The following AUTS2 variants were observed in gnomAD, a reference collection of about 807,000 sequenced individuals.
AUTS2 encodes autism susceptibility gene 2 protein.
In AUTS2, 17 loss-of-function variants were observed where a neutral mutation model predicts 112.4. The observed-to-expected ratio is 0.15, with a 90% CI of 0.10 to 0.23. The LOEUF is 0.23. AUTS2 is among the 10% of genes least tolerant of loss of function. The pLI is 1.00. For missense variants in AUTS2, 1,510 were observed against 1,701.6 expected (o/e 0.89, Z 1.98); for synonymous variants, 751 against 702.7 (o/e 1.07, Z -1.09).
At chr7:70,756,949 C>T (rs1305140975) in intron 6 of AUTS2, among the ~76,000 whole-genome samples, 3 of 152,216 alleles carry the variant, frequency 2.0e-5, no homozygotes, top group African/African-American at 7.2e-5. Context: ...GAGATGTTGT[C>T]GTGTGGGGTT....
intron 5 of AUTS2, among the ~76,000 whole-genome samples, chr7:70,593,486 A>G (rs1803047463): frequency 6.6e-6 from 1 of 152,026 alleles, no homozygotes; most frequent in South Asian, 2.1e-4. Context: ...AGTCACATAC[A>G]CCTTGGAGAA....
At chr7:70,677,472 C>T (rs1807974806) in intron 5 of AUTS2, among the ~76,000 whole-genome samples, 1 of 152,166 alleles carries the variant, frequency 6.6e-6, no homozygotes, top group African/African-American at 2.4e-5. Flanking sequence ...CTTAGCATCG[C>T]CCTTTGTGTT....
chr7:70,525,706 TTGGAAAAGGGA>T (rs1799811861), intron 5 of AUTS2, among the ~76,000 whole-genome samples: 1 of 152,094 alleles, frequency 6.6e-6, no homozygotes, highest in Non-Finnish European at 1.5e-5. Flanking sequence ...AAACTGAGCA[TTGGAAAAGGGA>T]TGGAAAAGTC....
intron 5 of AUTS2, among the ~76,000 whole-genome samples, chr7:70,474,437 T>G (rs1797505449): frequency 6.6e-6 from 1 of 152,200 alleles, no homozygotes; most frequent in African/African-American, 2.4e-5. Flanking sequence ...CTCTTTGTCT[T>G]ATAACAGTCA....
rs183245354 is a variant in AUTS2 at position 69,699,462 on chromosome 7, T to C, written c.309+99500T>C. On this transcript the variant is annotated intron_variant, in intron 1 of 18. Coordinates refer to ENST00000342771, the MANE Select transcript of AUTS2 (RefSeq NM_015570.4). ...AAGCACTGTTCTGCATCTTGCTGTTTTGTAGTTACCAATATATCTTGGAGA... is the reference window on the plus strand; with the variant it reads ...AAGCACTGTTCTGCATCTTGCTGTTCTGTAGTTACCAATATATCTTGGAGA... Among the ~76,000 whole-genome samples the C allele has an allele frequency of 1.0e-3, 156 of 152,262 alleles. 1 individual carries two copies. In the Middle Eastern group the frequency reaches 0.017, roughly 17 times the overall value.
intron 4 of AUTS2, among the ~76,000 whole-genome samples, chr7:70,167,803 T>C (rs1490037973): frequency 6.6e-6 from 1 of 152,212 alleles, no homozygotes; most frequent in African/African-American, 2.4e-5. Context: ...AACATACTTT[T>C]AAATAACCCA....
intron 4 of AUTS2, among the ~76,000 whole-genome samples, chr7:70,213,670 GA>G (rs1811035858): frequency 2.0e-5 from 3 of 152,106 alleles, no homozygotes; most frequent in Non-Finnish European, 2.9e-5. Context: ...ACACTGGAAT[GA>G]GCTCTAAAAC....
At chr7:70,352,820 C>T (rs750406263) in intron 4 of AUTS2, among the ~76,000 whole-genome samples, 1 of 152,082 alleles carries the variant, frequency 6.6e-6, no homozygotes, top group Non-Finnish European at 1.5e-5. Flanking sequence ...GTAGGACCTA[C>T]TTTAGGTAGG....
chr7:70,381,605 G>T (rs1324266372), intron 4 of AUTS2, among the ~76,000 whole-genome samples: 3 of 152,132 alleles, frequency 2.0e-5, no homozygotes, highest in African/African-American at 7.2e-5. Context: ...TCTTAATATT[G>T]TGGACCTAAA....
chr7:70,403,032 G>A (rs1272805960), intron 4 of AUTS2, among the ~76,000 whole-genome samples: 2 of 152,154 alleles, frequency 1.3e-5, no homozygotes, highest in African/African-American at 2.4e-5. Context: ...ATACTGTTAC[G>A]AAGGTCTGTC....
At chr7:70,099,983 A>G (rs1444476542) in intron 2 of AUTS2, among the ~76,000 whole-genome samples, 1 of 152,202 alleles carries the variant, frequency 6.6e-6, no homozygotes, top group African/African-American at 2.4e-5. Context: ...TCACAAAATT[A>G]AGGGTAGAGA....
intron 6 of AUTS2, among the ~76,000 whole-genome samples, chr7:70,725,043 C>G (rs534833540): frequency 2.0e-5 from 3 of 152,276 alleles, no homozygotes; most frequent in African/African-American, 7.2e-5. Flanking sequence ...AAATGAAGAA[C>G]TATGGTACAT....
chr7:70,738,418 G>GTT (rs10683693), intron 6 of AUTS2, among the ~76,000 whole-genome samples: 21,651 of 142,824 alleles, frequency 0.15, 1,653 homozygotes, highest in African/African-American at 0.18. Flanking sequence ...CAAGTTTTTT[G>GTT]TTTTTTTTTT....
At chr7:70,677,290 C>G (rs1472913962) in intron 5 of AUTS2, among the ~76,000 whole-genome samples, 1 of 152,186 alleles carries the variant, frequency 6.6e-6, no homozygotes, top group Non-Finnish European at 1.5e-5. Context: ...TGCAACTTAT[C>G]TGCAAATCCG....
At chr7:69,635,717 A>G (rs1251042661) in intron 1 of AUTS2, among the ~76,000 whole-genome samples, 1 of 152,238 alleles carries the variant, frequency 6.6e-6, no homozygotes, top group African/African-American at 2.4e-5. Flanking sequence ...GGAGACCTTA[A>G]CAAATCAAGC....
intron 1 of AUTS2, among the ~76,000 whole-genome samples, chr7:69,744,786 C>T (rs1787418787): frequency 6.6e-6 from 1 of 152,124 alleles, no homozygotes; most frequent in South Asian, 2.1e-4. Context: ...GCTATAATCA[C>T]ACCGCTGCAC....
At chr7:70,770,687 C>G (rs961907845) in intron 10 of AUTS2, among the ~76,000 whole-genome samples, 1 of 152,146 alleles carries the variant, frequency 6.6e-6, no homozygotes, top group Non-Finnish European at 1.5e-5. Context: ...ATAGAGTGGA[C>G]TCCTACGTGA....
At chr7:70,592,886 G>A (rs1248619050) in intron 5 of AUTS2, among the ~76,000 whole-genome samples, 3 of 152,164 alleles carry the variant, frequency 2.0e-5, no homozygotes, top group Non-Finnish European at 4.4e-5. Context: ...GTCTTGCTCT[G>A]TTGCCCAGGC....
At chr7:69,649,111 C>T (rs937570361) in intron 1 of AUTS2, among the ~76,000 whole-genome samples, 1 of 152,160 alleles carries the variant, frequency 6.6e-6, no homozygotes, top group East Asian at 1.9e-4. Flanking sequence ...ATTAATGTCT[C>T]TTCTTGTACG....
Sources: gnomAD v4.1 joint callset for allele counts (sites outside exome capture counted in the v4.1 genomes callset) on GRCh38, gnomAD v4.1.1 for gene constraint, MANE v1.5 for transcripts, NCBI Gene and HGNC (gene_info 2026-07-23, HGNC 2026-07-21) for gene names.